Variants in ANO2 observed in about 807,000 individuals in gnomAD.
ANO2 encodes anoctamin-2.
Under a neutral mutation model 124.2 loss-of-function variants are expected in ANO2, and 101 were observed. That is an observed-to-expected ratio of 0.81 (90% CI 0.69 to 0.96). The LOEUF (loss-of-function observed/expected upper bound fraction) is 0.96, where lower values mean the gene tolerates loss of function less well. Ranked by LOEUF, ANO2 falls within the 40% of genes least tolerant of loss-of-function variation. ANO2 has a pLI of 0.00. For missense variants in ANO2, 1,293 were observed against 1,274.5 expected, an observed-to-expected ratio of 1.01 and a Z score of -0.22; for synonymous variants, 486 against 482.5, an observed-to-expected ratio of 1.01 and a Z score of -0.09.
At chr12:5,831,624 A>G (rs533903239) in intron 5 of ANO2, among the ~76,000 whole-genome samples, 1 of 152,288 alleles carries the variant, frequency 6.6e-6, no homozygotes, top group African/African-American at 2.4e-5. Context: ...GAGGGTAAAT[A>G]TATGCAAATG....
intron 3 of ANO2, among the ~76,000 whole-genome samples, chr12:5,913,911 A>T (rs1213613482): frequency 6.6e-6 from 1 of 152,234 alleles, no homozygotes; most frequent in Non-Finnish European, 1.5e-5. Flanking sequence ...TGGGATGGCG[A>T]CAGAGCCTGA....
rs770669795 is a variant in ANO2 at position 5,635,103 on chromosome 12, T to C, written c.1816+49A>G. On this transcript the variant is annotated intron_variant, in intron 16 of 24. Coordinates refer to ENST00000682330, the MANE Select transcript of ANO2 (RefSeq NM_001364791.2). This position sits in a 1 kb window ranked among gnomAD's most constrained non-coding sequence, Gnocchi z 5.2. ...TTTATCACCAAAAGCCTTGCACGCA[T>C]TGACTTAAAGAGGGCCTAGGACAGC... 4.8e-6 allele frequency: 7 copies of C among 1,469,022 alleles called. No homozygotes were observed. The highest frequency in any genetic ancestry group is 2.8e-5 in the African/African-American group (2 of 70,504). 91.0% of individuals were successfully genotyped at this position (1,469,022 alleles called of 1,614,324 possible).
intron 14 of ANO2, among the ~76,000 whole-genome samples, chr12:5,721,501 T>G (rs1026945011): frequency 4.3e-5 from 6 of 140,344 alleles, no homozygotes; most frequent in Non-Finnish European, 8.0e-5. Flanking sequence ...GGTTTTGGGT[T>G]TTTTTTTTTT....
At chr12:5,610,861 A>ACACAC (rs1565472341) in intron 19 of ANO2, among the ~76,000 whole-genome samples, 1,665 of 82,172 alleles carry the variant, frequency 0.02, 50 homozygotes, top group African/African-American at 0.049. Context: ...CACACACACA[A>ACACAC]CCCTAAGGGA....
At chr12:5,898,067 T>A (rs904269296) in intron 3 of ANO2, among the ~76,000 whole-genome samples, 3 of 152,138 alleles carry the variant, frequency 2.0e-5, no homozygotes, top group Non-Finnish European at 2.9e-5. Flanking sequence ...CCCATTTTTT[T>A]AATGGCTATA....
chr12:5,744,404 C>T (rs1951205308), intron 11 of ANO2, 87 bp from the exon 12 acceptor site: 3 of 1,471,988 alleles, frequency 2.0e-6, no homozygotes, highest in African/African-American at 1.4e-5. Flanking sequence ...GCTCCCATTT[C>T]CAAATCTATG....
chr12:5,682,719 T>G (rs538112585), intron 14 of ANO2, among the ~76,000 whole-genome samples: 2 of 152,272 alleles, frequency 1.3e-5, no homozygotes, highest in South Asian at 4.2e-4. Context: ...TTTCCCTATG[T>G]GTTAAGGATA....
intron 16 of ANO2, among the ~76,000 whole-genome samples, chr12:5,632,366 A>C (rs1211063476): frequency 6.6e-6 from 1 of 151,988 alleles, no homozygotes; most frequent in African/African-American, 2.4e-5. Flanking sequence ...ACCTTAGTAA[A>C]GTGAGCGTAT....
intron 23 of ANO2, among the ~76,000 whole-genome samples, chr12:5,566,475 A>G (rs1248950821): frequency 6.6e-6 from 1 of 152,158 alleles, no homozygotes; most frequent in Admixed American, 6.5e-5. Context: ...CTAAGCCTGG[A>G]AAAATGACAA....
chr12:5,874,655 C>T (rs550980293), intron 3 of ANO2, among the ~76,000 whole-genome samples: 46 of 152,316 alleles, frequency 3.0e-4, no homozygotes, highest in African/African-American at 1.1e-3. Flanking sequence ...TTCTGGCATC[C>T]GCTTCCCAAT....
At chr12:5,715,169 T>C (rs1250453124) in intron 14 of ANO2, among the ~76,000 whole-genome samples, 1 of 152,204 alleles carries the variant, frequency 6.6e-6, no homozygotes, top group East Asian at 1.9e-4. Flanking sequence ...GAAGTCAGAC[T>C]GACCCTACTT....
chr12:5,573,997 C>A (rs1207035522), intron 23 of ANO2, among the ~76,000 whole-genome samples: 1 of 152,182 alleles, frequency 6.6e-6, no homozygotes, highest in African/African-American at 2.4e-5. Flanking sequence ...CCTTGGGCAC[C>A]AAGCATGGCA....
intron 14 of ANO2, among the ~76,000 whole-genome samples, chr12:5,688,235 G>C (rs1948784467): frequency 6.6e-6 from 1 of 152,164 alleles, no homozygotes; most frequent in African/African-American, 2.4e-5. Flanking sequence ...TTGGGGAATG[G>C]GGATGGCTTT....
chr12:5,836,766 T>C (rs1954334884), intron 4 of ANO2: 1 of 154,402 alleles, frequency 6.5e-6, no homozygotes, highest in African/African-American at 2.4e-5. Flanking sequence ...TGAGGTCTCG[T>C]GTTATTGTCA....
At chr12:5,599,754 G>A in intron 19 of ANO2, 125 bp from the exon 20 acceptor site, 1 of 1,056,570 alleles carries the variant, frequency 9.5e-7, no homozygotes, top group Non-Finnish European at 1.4e-6. Context: ...AAAACAAGTA[G>A]AGATAGAGAG....
intron 16 of ANO2, among the ~76,000 whole-genome samples, chr12:5,619,601 G>C (rs1021710881): frequency 6.6e-6 from 1 of 152,110 alleles, no homozygotes; most frequent in Non-Finnish European, 1.5e-5. Flanking sequence ...CTGCTTCCAA[G>C]CCTGGGCCTT....
intron 2 of ANO2, among the ~76,000 whole-genome samples, chr12:5,921,795 G>A (rs1372063032): frequency 1.3e-5 from 2 of 152,050 alleles, no homozygotes; most frequent in Admixed American, 1.3e-4. Context: ...CACCATACAG[G>A]TGAAGGGGCC....
chr12:5,590,153 C>G (rs1591682997), intron 20 of ANO2, among the ~76,000 whole-genome samples: 1 of 152,166 alleles, frequency 6.6e-6, no homozygotes, highest in East Asian at 1.9e-4. Context: ...CACATACGGC[C>G]CAGGACAGCT....
At chr12:5,770,453 A>G (rs1952043044) in intron 10 of ANO2, among the ~76,000 whole-genome samples, 1 of 152,104 alleles carries the variant, frequency 6.6e-6, no homozygotes, top group Admixed American at 6.5e-5. Context: ...TTCATATTTC[A>G]GCATACAGAA....
Sources: allele counts gnomAD v4.1 joint callset (sites outside exome capture counted in the v4.1 genomes callset), GRCh38; gene constraint gnomAD v4.1.1; non-coding constraint Gnocchi (gnomAD v3.1); transcripts MANE v1.5; gene names NCBI Gene and HGNC (gene_info 2026-07-23, HGNC 2026-07-21).